The following CRCP variants were observed in gnomAD, a reference collection of about 807,000 sequenced individuals.
CRCP encodes CGRP receptor component, also known as DNA-directed RNA polymerase III subunit RPC9.
Under a neutral mutation model 18.5 loss-of-function variants are expected in CRCP, and 18 were observed. The observed-to-expected ratio is 0.97, with a 90% confidence interval of 0.67 to 1.44. CRCP has a LOEUF of 1.44. CRCP is among the 40% of genes most tolerant of loss of function. The pLI is 0.00. For missense variants in CRCP, 130 were observed against 176.4 expected (o/e 0.74, Z 1.49); for synonymous variants, 53 against 62.9 (o/e 0.84, Z 0.75).
chr7:66,127,912 A>C (rs138435428), intron 2 of CRCP, among the ~76,000 whole-genome samples, 172 bp downstream of exon 2: 2 of 152,086 alleles, frequency 1.3e-5, no homozygotes, highest in Non-Finnish European at 2.9e-5. Context: ...GGAGTTCAAA[A>C]CTAGCCTGGC....
At chr7:66,151,747 CT>C (rs1260395389) in intron 5 of CRCP, among the ~76,000 whole-genome samples, 3 of 55,424 alleles carry the variant, frequency 5.4e-5, no homozygotes, top group Admixed American at 2.1e-4. Context: ...TCCTTTTTTT[CT>C]TTTCTTTTTT....
At chr7:66,126,550 G>A (rs1448460796) in intron 1 of CRCP, 3 of 367,314 alleles carry the variant, frequency 8.2e-6, no homozygotes, top group African/African-American at 6.3e-5. Context: ...CTGCAGAGTA[G>A]GAATCATACG....
At chr7:66,151,253 G>A (rs1382052807) in intron 5 of CRCP, among the ~76,000 whole-genome samples, 2 of 152,164 alleles carry the variant, frequency 1.3e-5, no homozygotes, top group Admixed American at 6.6e-5. Flanking sequence ...ATCATCAACC[G>A]TGTTGCTGAT....
At chr7:66,124,753 A>G (rs1490235996) in intron 1 of CRCP, among the ~76,000 whole-genome samples, 1 of 126,702 alleles carries the variant, frequency 7.9e-6, no homozygotes, top group Non-Finnish European at 1.9e-5. Flanking sequence ...TTACTGAACC[A>G]TTAGAGAGTT....
chr7:66,117,427 T>A (rs537263597), intron 1 of CRCP, among the ~76,000 whole-genome samples: 1 of 152,260 alleles, frequency 6.6e-6, no homozygotes, highest in African/African-American at 2.4e-5. Flanking sequence ...TTCTCAAAGG[T>A]ATGTTTCTAA....
intron 1 of CRCP, among the ~76,000 whole-genome samples, chr7:66,123,749 CAA>C (rs35581711): frequency 7.9e-4 from 110 of 138,486 alleles, no homozygotes; most frequent in Admixed American, 8.0e-4. Flanking sequence ...ACTCTTGTCT[CAA>C]AAAAAAAAAA....
intron 5 of CRCP, among the ~76,000 whole-genome samples, chr7:66,148,925 T>C (rs1226855903): frequency 6.6e-6 from 1 of 152,256 alleles, no homozygotes; most frequent in African/African-American, 2.4e-5. Flanking sequence ...AGTGAACTGT[T>C]CTGGATCAAA....
chr7:66,142,074 G>A (rs573325944), intron 4 of CRCP, among the ~76,000 whole-genome samples: 18 of 152,094 alleles, frequency 1.2e-4, no homozygotes, highest in Admixed American at 2.0e-4. Context: ...TAGTCTTTGC[G>A]ATCCCTCTTC....
intron 4 of CRCP, among the ~76,000 whole-genome samples, chr7:66,136,491 A>G (rs1440610508): frequency 6.6e-6 from 1 of 151,970 alleles, no homozygotes; most frequent in Non-Finnish European, 1.5e-5. Context: ...CGACCTCTCA[A>G]AGTTCTGGGA....
At chr7:66,129,968 T>C (rs917578237) in intron 2 of CRCP, among the ~76,000 whole-genome samples, 10 of 152,140 alleles carry the variant, frequency 6.6e-5, no homozygotes, top group African/African-American at 2.4e-4. Flanking sequence ...GAAAGTTTGC[T>C]TCTAAAGATC....
At chr7:66,133,881 CAG>C (rs1787888771) in intron 3 of CRCP, among the ~76,000 whole-genome samples, 1 of 117,316 alleles carries the variant, frequency 8.5e-6, no homozygotes, top group Non-Finnish European at 1.6e-5. Context: ...TTTTTTGAGA[CAG>C]AGTCTCACTC....
chr7:66,135,885 C>T (rs1191140441), intron 4 of CRCP, among the ~76,000 whole-genome samples: 49 of 151,580 alleles, frequency 3.2e-4, no homozygotes, highest in Non-Finnish European at 2.6e-4. Flanking sequence ...CGCGCCCTTG[C>T]GCTCCAGCCT....
chr7:66,129,814 C>A lies in CRCP; in HGVS notation c.46-930C>A, dbSNP rs192837591. Among the ~76,000 whole-genome samples, 5 of 152,176 alleles carry A rather than the reference C, an allele frequency of 3.3e-5. No individual in the cohort carries two copies. The East Asian group carries it at 7.8e-4, about 24-fold the overall frequency. On this transcript the variant is annotated intron_variant, in intron 2 of 5. Transcript: ENST00000395326. ...ATGCCACTATTTCTGAAAGGACCAG[C>A]AGATGAGAGGGGTCGTATTGTATCT...
intron 1 of CRCP, among the ~76,000 whole-genome samples, chr7:66,115,817 T>A (rs980292756): frequency 6.6e-6 from 1 of 152,228 alleles, no homozygotes; most frequent in South Asian, 2.1e-4. Flanking sequence ...TAATTAATTG[T>A]TTTTTCTTAA....
At chr7:66,130,094 A>ATTTTTT (rs1484336159) in intron 2 of CRCP, 8 of 104,594 alleles carry the variant, frequency 7.6e-5, no homozygotes, top group East Asian at 3.1e-4. Flanking sequence ...GAGAAGCAGG[A>ATTTTTT]TTCTTTTTTT....
chr7:66,130,773 G>T lies in CRCP; in HGVS notation c.75G>T (p.Glu25Asp). 1.2e-6 allele frequency: 2 copies of T among 1,608,342 alleles called. No individual in the cohort carries two copies. Among genetic ancestry groups the T allele is most frequent in the Non-Finnish European group, 1.7e-6 (2 of 1,175,562 alleles). Reference protein sequence around the residue: ...EVFQLLTDLKEQRKESGKNKH... With the variant: ...EVFQLLTDLKDQRKESGKNKH... Reference sequence around the variant, plus strand: ...TTCAGTTACTAACTGATCTGAAAGAGCAGCGTAAAGAAAGTGGAAAGAATA... The same window carrying T: ...TTCAGTTACTAACTGATCTGAAAGATCAGCGTAAAGAAAGTGGAAAGAATA... Residue 25 changes from glutamate (E) to aspartate (D), a missense_variant, in exon 3 of 6, where the codon GAG becomes GAT. Physicochemically the swap from Glu to Asp is conservative, Grantham distance 45 (BLOSUM62 2). Transcript: ENST00000395326.
intron 4 of CRCP, among the ~76,000 whole-genome samples, chr7:66,136,815 C>A (rs1787984168): frequency 6.6e-6 from 1 of 151,860 alleles, no homozygotes; most frequent in South Asian, 2.1e-4. Context: ...CACGGTGGCT[C>A]ACACCTATAA....
intron 1 of CRCP, among the ~76,000 whole-genome samples, chr7:66,126,002 C>A (rs1414826332): frequency 6.7e-6 from 1 of 149,452 alleles, no homozygotes; most frequent in African/African-American, 2.4e-5. Flanking sequence ...TTTAAATGAA[C>A]TCTGTCACAT....
intron 3 of CRCP, among the ~76,000 whole-genome samples, chr7:66,131,464 A>G (rs1787801121): frequency 6.6e-6 from 1 of 152,130 alleles, no homozygotes; most frequent in South Asian, 2.1e-4. Flanking sequence ...CTTCCCAAGT[A>G]GCTGGGACTA....
Sources: allele counts gnomAD v4.1 joint callset (sites outside exome capture counted in the v4.1 genomes callset), GRCh38; gene constraint gnomAD v4.1.1; transcripts MANE v1.5; gene names NCBI Gene and HGNC (gene_info 2026-07-23, HGNC 2026-07-21).